VRK1: variants seen among roughly 807,000 people sequenced by gnomAD.
VRK1 encodes serine/threonine-protein kinase VRK1.
Under a neutral mutation model 57.1 loss-of-function variants are expected in VRK1, and 33 were observed. The observed-to-expected ratio is 0.58, with a 90% CI of 0.44 to 0.77. VRK1 has a LOEUF of 0.77. Ranked by LOEUF, VRK1 falls within the 30% of genes least tolerant of loss-of-function variation. The pLI is 0.00. For synonymous variants in VRK1, 137 were observed against 147.8 expected, an observed-to-expected ratio of 0.93 and a Z score of 0.53; for missense variants, 413 against 477.3, an observed-to-expected ratio of 0.87 and a Z score of 1.25.
At chr14:96,822,342 T>C (rs1187606896) in intron 1 of VRK1, among the ~76,000 whole-genome samples, 1 of 152,194 alleles carries the variant, frequency 6.6e-6, no homozygotes, top group Non-Finnish European at 1.5e-5. Context: ...TCAGTATTGT[T>C]TTTATTTTAA....
intron 5 of VRK1, among the ~76,000 whole-genome samples, chr14:96,849,696 A>G (rs1391620904): frequency 3.3e-5 from 5 of 152,222 alleles, no homozygotes; most frequent in East Asian, 1.9e-4. Context: ...TCTTGCAGTC[A>G]TCATCACTGT....
Position 96,856,749 on chromosome 14 carries a change from A to T in VRK1, c.889+163A>T, listed in dbSNP as rs45452297. 0.13 allele frequency among the ~76,000 whole-genome samples: 19,908 copies of T among 152,140 alleles called. 1,652 individuals are homozygous for T. Among genetic ancestry groups the T allele is most frequent in the Non-Finnish European group, 0.19 (12,924 of 67,962 alleles). Reference sequence around the variant, plus strand: ...TTTGGGAGGCTGAGGTGGGTGGATCACGAGGTCAGGAGATCAAGACCATCC... The same window carrying T: ...TTTGGGAGGCTGAGGTGGGTGGATCTCGAGGTCAGGAGATCAAGACCATCC... On this transcript the variant is annotated intron_variant, in intron 10 of 12. Coordinates refer to ENST00000216639, the MANE Select transcript of VRK1 (RefSeq NM_003384.3).
Position 96,856,208 on chromosome 14 carries a change from A to G in VRK1, c.788A>G (p.Asp263Gly), listed in dbSNP as rs1428656431. ...QWLTGHLPWE[D>G]NLKDPKYVRD... is the part of the protein sequence containing the mutation. ...CTTACTGGCCATCTTCCTTGGGAGG[A>G]TAATTTGAAAGATCCTAAATATGTT... Residue 263 changes from aspartate (D) to glycine (G), a missense_variant, in exon 9 of 13, where the codon GAT (aspartate) becomes GGT (glycine). Transcript: ENST00000216639. 1.2e-6 allele frequency: 2 copies of G among 1,613,728 alleles called. No individual in the cohort carries two copies. Among genetic ancestry groups the G allele is most frequent in the African/African-American group, 2.7e-5 (2 of 75,032 alleles).
intron 1 of VRK1, among the ~76,000 whole-genome samples, chr14:96,816,098 T>C (rs115586467): frequency 0.079 from 12,073 of 151,888 alleles, 581 homozygotes; most frequent in African/African-American, 0.13. Flanking sequence ...CCAAGACTAG[T>C]AGGGTTGTAT....
chr14:96,806,553 G>C (rs1283526032), intron 1 of VRK1, among the ~76,000 whole-genome samples: 1 of 152,156 alleles, frequency 6.6e-6, no homozygotes, highest in African/African-American at 2.4e-5. Flanking sequence ...GGTAGATCTA[G>C]TTCAAATATT....
At chr14:96,817,423 T>A (rs1372408550) in intron 1 of VRK1, among the ~76,000 whole-genome samples, 1 of 152,174 alleles carries the variant, frequency 6.6e-6, no homozygotes, top group Admixed American at 6.5e-5. Context: ...TTATCAGTTT[T>A]CTTTATGGCT....
At chr14:96,862,513 T>C (rs1261564193) in intron 11 of VRK1, among the ~76,000 whole-genome samples, 1 of 150,054 alleles carries the variant, frequency 6.7e-6, no homozygotes, top group African/African-American at 2.4e-5. Context: ...TTTGTTAGCT[T>C]TTTTTTTTTT....
At chr14:96,826,092 A>T (rs1159203093) in intron 1 of VRK1, among the ~76,000 whole-genome samples, 1 of 152,226 alleles carries the variant, frequency 6.6e-6, no homozygotes, top group African/African-American at 2.4e-5. Flanking sequence ...GAAGAATGCC[A>T]GTTGTCTAAA....
intron 1 of VRK1, among the ~76,000 whole-genome samples, chr14:96,809,571 T>TTGC (rs1555358122): frequency 9.8e-5 from 11 of 112,722 alleles, no homozygotes; most frequent in African/African-American, 3.5e-4. Context: ...GCTTGCTTTC[T>TTGC]TTTTTTTTTT....
At position 96,825,375 on chromosome 14, in the gene VRK1, G is replaced by C. The variant is rs1886761495; in HGVS notation, c.-5-8092G>C. The stretch of plus-strand genomic sequence containing the variant: ...TGTAGAGGGTGGTTGCTGGACTTTT[G>C]AGGAATGACATTGTCCTTTGCAGTT... On this transcript the variant is annotated intron_variant, in intron 1 of 12. Coordinates refer to ENST00000216639, the MANE Select transcript of VRK1 (RefSeq NM_003384.3). Among the ~76,000 whole-genome samples, 4 of 152,300 alleles carry C rather than the reference G, an allele frequency of 2.6e-5. 1 individual carries two copies. Among genetic ancestry groups the C allele is most frequent in the African/African-American group, 9.6e-5 (4 of 41,552 alleles).
Position 96,877,017 on chromosome 14 carries a change from A to G in VRK1, c.1159+897A>G, listed in dbSNP as rs556923429. Among the ~76,000 whole-genome samples the G allele has an allele frequency of 1.1e-4, 16 of 151,018 alleles. No homozygotes were observed. The South Asian group carries it at 3.1e-3, about 30-fold the overall frequency. ...TGTACTTGACTCAATAAAGAGAGCTATTCAGTGTGGCCCACAATACATTTT... is the reference window on the plus strand; with the variant it reads ...TGTACTTGACTCAATAAAGAGAGCTGTTCAGTGTGGCCCACAATACATTTT... On this transcript the variant is annotated intron_variant, in intron 12 of 12. Transcript: ENST00000216639.
chr14:96,857,410 G>A (rs1158976962), intron 10 of VRK1, among the ~76,000 whole-genome samples: 1 of 152,144 alleles, frequency 6.6e-6, no homozygotes, highest in Non-Finnish European at 1.5e-5. Context: ...GTCTGGGGAA[G>A]AGAGTTCTAG....
chr14:96,809,575 T>C (rs1886088774), intron 1 of VRK1, among the ~76,000 whole-genome samples: 1 of 150,874 alleles, frequency 6.6e-6, no homozygotes, highest in Non-Finnish European at 1.5e-5. Flanking sequence ...GCTTTCTTTT[T>C]TTTTTTTTTT....
chr14:96,851,301 C>T (rs368004061), intron 5 of VRK1, among the ~76,000 whole-genome samples: 13 of 151,918 alleles, frequency 8.6e-5, no homozygotes, highest in Admixed American at 2.6e-4. Flanking sequence ...CCACCGTGCC[C>T]GGCTAATTTT....
intron 8 of VRK1, 110 bp from the exon 9 acceptor site, chr14:96,856,019 GA>G: frequency 7.5e-7 from 1 of 1,327,840 alleles, no homozygotes. Flanking sequence ...ATTTTATGAT[GA>G]AAAACAGACT....
At position 96,849,714 on chromosome 14, in the gene VRK1, A is replaced by T. The variant is rs139897300; in HGVS notation, c.374+2370A>T. On this transcript the variant is annotated intron_variant, in intron 5 of 12. Coordinates refer to ENST00000216639, the MANE Select transcript of VRK1 (RefSeq NM_003384.3). ...TGCAGTCATCATCACTGTGATTATC[A>T]TAATTGGTTTCATTTGTTTGTCTAT... 2.3e-4 allele frequency among the ~76,000 whole-genome samples: 35 copies of T among 152,330 alleles called. No individual in the cohort carries two copies. The East Asian group carries it at 5.2e-3, about 23-fold the overall frequency.
At chr14:96,839,319 T>C (rs117468703) in intron 3 of VRK1, among the ~76,000 whole-genome samples, 1,931 of 152,280 alleles carry the variant, frequency 0.013, 20 homozygotes, top group Non-Finnish European at 0.021. Flanking sequence ...AACATTCTTG[T>C]ACAAGTGTTT....
intron 1 of VRK1, among the ~76,000 whole-genome samples, chr14:96,814,167 G>A (rs1886307807): frequency 1.3e-5 from 2 of 152,154 alleles, no homozygotes; most frequent in Admixed American, 1.3e-4. Flanking sequence ...TCATATTAAT[G>A]TAAGAACTTG....
intron 1 of VRK1, among the ~76,000 whole-genome samples, chr14:96,805,184 A>G (rs904806029): frequency 6.6e-6 from 1 of 152,262 alleles, no homozygotes; most frequent in Non-Finnish European, 1.5e-5. Flanking sequence ...GAAGAACTAT[A>G]CAGAGAATGA....
Sources: allele counts gnomAD v4.1 joint callset (sites outside exome capture counted in the v4.1 genomes callset), GRCh38; gene constraint gnomAD v4.1.1; transcripts MANE v1.5; gene names NCBI Gene and HGNC (gene_info 2026-07-23, HGNC 2026-07-21).